The following ARL17B variants were observed in gnomAD, a reference collection of about 807,000 sequenced individuals.
ARL17B encodes ADP-ribosylation factor-like protein 17.
intron 4 of ARL17B, among the ~76,000 whole-genome samples, chr17:46,288,337 CT>C (rs1323721904): frequency 1.4e-5 from 2 of 142,824 alleles, no homozygotes; most frequent in East Asian, 4.2e-4. Flanking sequence ...TTGACGGAGC[CT>C]TGCTCTGTCT....
chr17:46,283,673 C>A (rs2049830264), intron 4 of ARL17B, among the ~76,000 whole-genome samples: 2 of 152,162 alleles, frequency 1.3e-5, no homozygotes, highest in South Asian at 4.1e-4. Context: ...GAACGAGAGA[C>A]TTGGAAAAGA....
chr17:46,311,430 G>A (rs2143732038), intron 3 of ARL17B, among the ~76,000 whole-genome samples: 1 of 88,716 alleles, frequency 1.1e-5, no homozygotes, highest in African/African-American at 3.2e-5. Flanking sequence ...AGATCATTTT[G>A]GAGTTTGTCA....
intron 3 of ARL17B, among the ~76,000 whole-genome samples, chr17:46,340,623 A>T: frequency 3.1e-5 from 2 of 63,498 alleles, no homozygotes; most frequent in East Asian, 2.8e-4. Context: ...GTTGACTGCA[A>T]CCTCTGCCTT....
At chr17:46,276,483 T>C (rs551147795) in intron 4 of ARL17B, among the ~76,000 whole-genome samples, 14 of 152,312 alleles carry the variant, frequency 9.2e-5, no homozygotes, top group African/African-American at 3.4e-4. Flanking sequence ...CAGTTCTGAT[T>C]CCAGTTAAAA....
intron 4 of ARL17B, among the ~76,000 whole-genome samples, chr17:46,276,979 A>G (rs1467100391): frequency 2.1e-5 from 3 of 141,178 alleles, no homozygotes; most frequent in South Asian, 2.1e-4. Context: ...AATTTTTTGT[A>G]TTTTTTGTAG....
At chr17:46,281,616 G>A (rs2049765429) in intron 4 of ARL17B, among the ~76,000 whole-genome samples, 1 of 152,162 alleles carries the variant, frequency 6.6e-6, no homozygotes, top group African/African-American at 2.4e-5. Context: ...TTTTTGTAGA[G>A]ACATGGTCTT....
intron 4 of ARL17B, among the ~76,000 whole-genome samples, chr17:46,287,678 T>C (rs1276664806): frequency 6.6e-6 from 1 of 152,278 alleles, no homozygotes; most frequent in Admixed American, 6.5e-5. Context: ...GGCAGTGGCC[T>C]GGCTAGTTAA....
At chr17:46,286,687 G>A (rs1200099021) in intron 4 of ARL17B, among the ~76,000 whole-genome samples, 3 of 152,230 alleles carry the variant, frequency 2.0e-5, no homozygotes, top group South Asian at 4.1e-4. Flanking sequence ...TAATGTAAGT[G>A]TATAACAAAT....
rs1471482133 is a variant in ARL17B at position 46,336,077 on chromosome 17, G to C, written c.*3423C>G. Among the ~76,000 whole-genome samples the C allele has an allele frequency of 1.2e-4, 2 of 17,044 alleles. 1 individual carries two copies. Among genetic ancestry groups the C allele is most frequent in the African/African-American group, 1.3e-4 (2 of 15,554 alleles). The allele number at this position is 17,044 out of a possible 152,430, so 11.2% of individuals were successfully genotyped here. ...TCTTGGAGGCTCTGGGAAAGGGGAA[G>C]GGAAGGCCACCGGGTGTGAGAGAGA... is the stretch of plus-strand genomic sequence containing the variant. On this transcript the variant is annotated 3_prime_UTR_variant, in exon 4 of 4. Coordinates refer to ENST00000450673, the MANE Select transcript of ARL17B (RefSeq NM_001039083.5).
chr17:46,275,748 T>C (rs2732704), intron 4 of ARL17B, among the ~76,000 whole-genome samples: 18,478 of 152,220 alleles, frequency 0.12, no homozygotes, highest in Non-Finnish European at 0.18. Context: ...AAGGTGCGTG[T>C]GTGTGTGTAT....
intron 4 of ARL17B, among the ~76,000 whole-genome samples, chr17:46,282,144 C>A (rs1301772834): frequency 6.6e-6 from 1 of 151,988 alleles, no homozygotes; most frequent in Non-Finnish European, 1.5e-5. Flanking sequence ...GCTCTGTCTC[C>A]CAGGCTGGAG....
intron 3 of ARL17B, among the ~76,000 whole-genome samples, chr17:46,321,357 GAAAAAAAAAAAA>G (rs763727306): frequency 9.6e-5 from 3 of 31,356 alleles, no homozygotes; most frequent in African/African-American, 9.4e-4. Context: ...CTCCGTCTCA[GAAAAAAAAAAAA>G]AAAAAAAAAA....
chr17:46,277,442 GC>G (rs1163095894), intron 4 of ARL17B, among the ~76,000 whole-genome samples: 3 of 152,190 alleles, frequency 2.0e-5, no homozygotes, highest in African/African-American at 7.2e-5. Context: ...ACCACCAAAG[GC>G]CTTTCCAATT....
chr17:46,305,708 CT>C, intron 3 of ARL17B: 1 of 278,786 alleles, frequency 3.6e-6, no homozygotes, highest in Admixed American at 5.4e-5. Context: ...ACAGCAAATC[CT>C]TTTTGTCTCT....
intron 3 of ARL17B, among the ~76,000 whole-genome samples, chr17:46,340,507 C>T (rs1343016321): frequency 1.5e-5 from 1 of 66,094 alleles, no homozygotes; most frequent in Admixed American, 1.5e-4. Flanking sequence ...CGAGCTACCG[C>T]GCCTGGCTTG....
At chr17:46,289,494 G>GACTTAAA (rs1455443916) in intron 4 of ARL17B, among the ~76,000 whole-genome samples, 2 of 152,044 alleles carry the variant, frequency 1.3e-5, no homozygotes, top group African/African-American at 2.4e-5. Flanking sequence ...CTTAAAATCT[G>GACTTAAA]ACTTAAAATT....
At chr17:46,278,169 C>T (rs1455997278) in intron 4 of ARL17B, among the ~76,000 whole-genome samples, 1 of 152,084 alleles carries the variant, frequency 6.6e-6, no homozygotes, top group African/African-American at 2.4e-5. Flanking sequence ...TGGTCTCGAA[C>T]TCCTGACCTC....
intron 3 of ARL17B, among the ~76,000 whole-genome samples, chr17:46,340,922 TC>T (rs1392988034): frequency 1.2e-5 from 1 of 80,576 alleles, no homozygotes; most frequent in African/African-American, 3.6e-5. Flanking sequence ...TTTTTTTTTT[TC>T]CAGAGACGGG....
downstream of ARL17B, chr17:46,331,241 AAAAAGAGTCC>A (rs2051921002): frequency 2.6e-6 from 2 of 763,534 alleles, 1 homozygote. Context: ...AACCAAAGTC[AAAAAGAGTCC>A]AAAGGTCAGA....
Sources: allele counts gnomAD v4.1 joint callset (sites outside exome capture counted in the v4.1 genomes callset), GRCh38; gene constraint gnomAD v4.1.1; transcripts MANE v1.5; gene names NCBI Gene and HGNC (gene_info 2026-07-23, HGNC 2026-07-21).